The following GLG1 variants were observed in gnomAD, a reference collection of about 807,000 sequenced individuals.
The protein encoded by GLG1 is Golgi apparatus protein 1.
In GLG1, 38 loss-of-function variants were observed where a neutral mutation model predicts 160.5. That is an observed-to-expected ratio of 0.24 (90% CI 0.18 to 0.31). The LOEUF (loss-of-function observed/expected upper bound fraction) is 0.31, where lower values mean the gene tolerates loss of function less well. GLG1 is among the 10% of genes least tolerant of loss of function. The pLI is 1.00. For missense variants in GLG1, 1,373 were observed against 1,505.2 expected (o/e 0.91, Z 1.45); for synonymous variants, 644 against 543.4 (o/e 1.19, Z -2.57).
chr16:74,557,306 G>C (rs905352923), intron 1 of GLG1, among the ~76,000 whole-genome samples: 4 of 152,172 alleles, frequency 2.6e-5, no homozygotes, highest in Non-Finnish European at 5.9e-5. Context: ...AATAGTAAGT[G>C]TGCTGAAGTA....
chr16:74,491,115 C>A lies in GLG1; in HGVS notation c.1335G>T (p.Arg445=). 6.2e-7 allele frequency: 1 copy of A among 1,614,094 alleles called. No individual in the cohort carries two copies. Among genetic ancestry groups the A allele is most frequent in the Non-Finnish European group, 8.5e-7 (1 of 1,179,950 alleles). The change falls in exon 8 of 26, where the codon CGG becomes CGT. Residue 445 remains arginine (R), a synonymous_variant. Coordinates refer to ENST00000422840, the MANE Select transcript of GLG1 (RefSeq NM_001145667.2). ...SLSPEIILSC[R]GEIEHHCSGL... ...CGGAACAATGGTGTTCAATCTCCCC[C>A]CGACAGCTTAGGATGATCTCAGGGC... is the stretch of plus-strand genomic sequence containing the variant.
At chr16:74,489,312 A>G (rs2015900308) in intron 8 of GLG1, among the ~76,000 whole-genome samples, 1 of 151,940 alleles carries the variant, frequency 6.6e-6, no homozygotes, top group African/African-American at 2.4e-5. Context: ...CTCTACTAAA[A>G]ATACAAAAAT....
intron 1 of GLG1, among the ~76,000 whole-genome samples, chr16:74,602,895 C>G (rs560985991): frequency 2.6e-5 from 4 of 152,098 alleles, no homozygotes; most frequent in African/African-American, 9.6e-5. Flanking sequence ...CGCACAATGG[C>G]TCATGCCTGT....
Position 74,452,861 on chromosome 16 carries a change from G to A in GLG1, c.*306C>T, listed in dbSNP as rs2014378291. 4 of 1,087,344 alleles carry A rather than the reference G, an allele frequency of 3.7e-6. No individual in the cohort carries two copies. Among genetic ancestry groups the A allele is most frequent in the Admixed American group, 5.1e-5 (1 of 19,506 alleles). 67.4% of individuals were successfully genotyped at this position (1,087,344 alleles called of 1,614,324 possible). A position where few individuals can be genotyped will look rare whatever the true frequency, so the allele number is the denominator to read the frequency against. ...AGCCTTTGAGTTGCAGGTCAGGTGA[G>A]TTGGTTCTGGAAGTACCGGAAGTTC... On this transcript the variant is annotated 3_prime_UTR_variant, in exon 26 of 26. Transcript: ENST00000422840.
intron 1 of GLG1, among the ~76,000 whole-genome samples, chr16:74,575,363 C>T (rs555069089): frequency 1.1e-4 from 17 of 152,302 alleles, no homozygotes; most frequent in Middle Eastern, 3.4e-3. Context: ...GAGAAATATT[C>T]TACCAATCAT....
intron 5 of GLG1, among the ~76,000 whole-genome samples, 196 bp from the exon 6 acceptor site, chr16:74,495,027 CATG>C (rs1567480286): frequency 6.6e-6 from 1 of 151,764 alleles, no homozygotes; most frequent in African/African-American, 2.4e-5. Flanking sequence ...AAAATATTCC[CATG>C]ATATTTGGAG....
rs1282866351 is a variant in GLG1, at chr16:74,450,011, C to A, written c.*3156G>T. 1 of 152,388 alleles carries A rather than the reference C, an allele frequency of 6.6e-6. No homozygotes were observed. Among genetic ancestry groups the A allele is most frequent in the Non-Finnish European group, 1.5e-5 (1 of 68,192 alleles). The allele number at this position is 152,388 out of a possible 1,614,324, so 9.4% of individuals were successfully genotyped here. A position where few individuals can be genotyped will look rare whatever the true frequency, so the allele number is the denominator to read the frequency against. On this transcript the variant is annotated 3_prime_UTR_variant, in exon 26 of 26. Coordinates refer to ENST00000422840, the MANE Select transcript of GLG1 (RefSeq NM_001145667.2). ...ACAGCTCACCTTCAGTACCCCAGAGCCTCCAGCCTGGCAGTCCGGGCTCCA... is the reference window on the plus strand; with the variant it reads ...ACAGCTCACCTTCAGTACCCCAGAGACTCCAGCCTGGCAGTCCGGGCTCCA...
At chr16:74,510,731 A>C (rs960565260) in intron 2 of GLG1, among the ~76,000 whole-genome samples, 3 of 152,200 alleles carry the variant, frequency 2.0e-5, no homozygotes, top group Non-Finnish European at 4.4e-5. Context: ...TGTTCCAGAC[A>C]CAGTGTTAGG....
chr16:74,463,552 TTTCTGGAGA>T, intron 19 of GLG1, 73 bp from the exon 20 acceptor site: 1 of 1,500,500 alleles, frequency 6.7e-7, no homozygotes, highest in African/African-American at 1.4e-5. Flanking sequence ...CACTTTTTTT[TTTCTGGAGA>T]CGGAGTCTCA....
chr16:74,491,113 C>A lies in GLG1; in HGVS notation c.1337G>T (p.Gly446Val), dbSNP rs749228997. ...TCCGGAACAATGGTGTTCAATCTCC[C>A]CCCGACAGCTTAGGATGATCTCAGG... ...LSPEIILSCR[G>V]EIEHHCSGLH... Residue 446 changes from glycine (G) to valine (V), a missense_variant, in exon 8 of 26, where the codon GGG becomes GTG. Gly to Val is a moderately radical substitution (Grantham distance 109, BLOSUM62 -3). Around this residue, in one of 4 missense-constraint regions of GLG1, gnomAD observed 386 missense variants for 388.5 expected, o/e 0.99. Coordinates refer to ENST00000422840, the MANE Select transcript of GLG1 (RefSeq NM_001145667.2). 2 of 1,614,054 alleles carry A rather than the reference C, an allele frequency of 1.2e-6. No homozygotes were observed. The highest frequency in any genetic ancestry group is 1.7e-6 in the Non-Finnish European group (2 of 1,179,916).
intron 22 of GLG1, among the ~76,000 whole-genome samples, chr16:74,460,150 T>G (rs987319357): frequency 1.3e-5 from 2 of 152,004 alleles, no homozygotes; most frequent in African/African-American, 4.8e-5. Flanking sequence ...GCCTCCTGAG[T>G]AGCTGGAATT....
chr16:74,485,908 G>A lies in GLG1; in HGVS notation c.1459C>T (p.Leu487=), dbSNP rs2015770706. The A allele has an allele frequency of 6.2e-7, 1 of 1,611,230 alleles. No individual in the cohort carries two copies. Among genetic ancestry groups the A allele is most frequent in the Non-Finnish European group, 8.5e-7 (1 of 1,178,336 alleles). Residue 487 remains leucine, a synonymous_variant, in exon 9 of 26, where the codon CTG becomes TTG. Coordinates refer to ENST00000422840, the MANE Select transcript of GLG1 (RefSeq NM_001145667.2). ...GCACCAGGGTCAGTCTCCTGAATCA[G>A]TGTTTGAAGCTGAATTAAAATAAAT... ...GMNCQQALQT[L]IQETDPGADY... is the part of the protein sequence containing the mutation.
At chr16:74,470,485 G>C (rs1265106287) in intron 15 of GLG1, among the ~76,000 whole-genome samples, 1 of 110,460 alleles carries the variant, frequency 9.1e-6, no homozygotes, top group Non-Finnish European at 1.7e-5. Context: ...CCTCTCTCTT[G>C]TCATCCAGGC....
rs2014180022 is a variant in GLG1 at position 74,448,907 on chromosome 16, C to G, written c.*4260G>C. On this transcript the variant is annotated 3_prime_UTR_variant, in exon 26 of 26. Transcript: ENST00000422840. ...CATGAGGTCAGGAGATGGAGACCAT[C>G]CTGGACAACACGGTGAAACCCCGTC... 6.6e-6 allele frequency: 1 copy of G among 152,084 alleles called. No individual in the cohort carries two copies. Among genetic ancestry groups the G allele is most frequent in the South Asian group, 2.1e-4 (1 of 4,826 alleles). The allele number at this position is 152,084 out of a possible 1,614,324, so 9.4% of individuals were successfully genotyped here.
intron 8 of GLG1, among the ~76,000 whole-genome samples, chr16:74,490,696 G>C (rs1411985628): frequency 6.6e-6 from 1 of 152,210 alleles, no homozygotes; most frequent in Non-Finnish European, 1.5e-5. Context: ...CCTTGATTCT[G>C]AGTTTAGGAA....
chr16:74,488,427 A>G (rs144020807), intron 8 of GLG1, among the ~76,000 whole-genome samples: 1 of 152,136 alleles, frequency 6.6e-6, no homozygotes, highest in East Asian at 1.9e-4. Flanking sequence ...CCCAAAATGA[A>G]TTACTTTAAA....
intron 2 of GLG1, among the ~76,000 whole-genome samples, chr16:74,526,296 T>TA (rs2017329989): frequency 6.8e-6 from 1 of 146,792 alleles, no homozygotes; most frequent in East Asian, 2.0e-4. Flanking sequence ...GATGACTGAC[T>TA]ATGAGGCAGG....
At chr16:74,497,296 A>G in intron 4 of GLG1, among the ~76,000 whole-genome samples, 1 of 69,174 alleles carries the variant, frequency 1.4e-5, no homozygotes, top group South Asian at 5.8e-4. Context: ...TAAAAAAAAC[A>G]CACACACACA....
intron 1 of GLG1, among the ~76,000 whole-genome samples, chr16:74,597,239 T>C (rs966274172): frequency 4.0e-5 from 6 of 151,276 alleles, no homozygotes; most frequent in Non-Finnish European, 7.4e-5. Context: ...AAGACCAGCA[T>C]GTCCAACATG....
Sources: gnomAD v4.1 joint callset for allele counts (sites outside exome capture counted in the v4.1 genomes callset) on GRCh38, gnomAD v4.1.1 for gene constraint, gnomAD v4.1.1 regional missense constraint, MANE v1.5 for transcripts, NCBI Gene and HGNC (gene_info 2026-07-23, HGNC 2026-07-21) for gene names.